NEBL: variants seen among roughly 807,000 people sequenced by gnomAD.
NEBL encodes LIM and SH3 protein 2.
NEBL carries 122 observed loss-of-function variants against 140.2 expected under a neutral mutation model. The observed-to-expected ratio is 0.87, with a 90% confidence interval of 0.75 to 1.01. NEBL has a LOEUF of 1.01. Ranked by LOEUF, NEBL falls within the 50% of genes least tolerant of loss-of-function variation. The pLI is 0.00. For missense variants in NEBL, 1,365 were observed against 1,231.3 expected (o/e 1.11, Z -1.62); for synonymous variants, 436 against 398.9 (o/e 1.09, Z -1.11).
chr10:21,198,284 A>G (rs1841683303), intron 3 of NEBL, among the ~76,000 whole-genome samples: 1 of 152,114 alleles, frequency 6.6e-6, no homozygotes, highest in Non-Finnish European at 1.5e-5. Context: ...TAACTGGGGG[A>G]AATTCAAAGA....
chr10:21,180,451 T>C (rs1367592434), intron 3 of NEBL, among the ~76,000 whole-genome samples: 2 of 152,216 alleles, frequency 1.3e-5, no homozygotes, highest in Non-Finnish European at 2.9e-5. Flanking sequence ...TGTCATTCTC[T>C]TTCTCCGCCC....
intron 2 of NEBL, among the ~76,000 whole-genome samples, chr10:21,134,350 T>C (rs1321918938): frequency 6.6e-6 from 1 of 152,200 alleles, no homozygotes; most frequent in Non-Finnish European, 1.5e-5. Context: ...GACAATGTAT[T>C]CTTATTTTCT....
intron 2 of NEBL, among the ~76,000 whole-genome samples, chr10:21,248,308 C>T (rs975739108): frequency 1.3e-5 from 2 of 151,536 alleles, no homozygotes; most frequent in Non-Finnish European, 1.5e-5. Context: ...CCTTCTATTG[C>T]TCATACTTTT....
At chr10:20,838,801 A>C (rs1295022497) in intron 13 of NEBL, among the ~76,000 whole-genome samples, 1 of 152,164 alleles carries the variant, frequency 6.6e-6, no homozygotes, top group African/African-American at 2.4e-5. Flanking sequence ...TCCGCCAGTG[A>C]AAAGATTACC....
intron 7 of NEBL, among the ~76,000 whole-genome samples, chr10:20,867,477 T>TTATTGTTGA (rs1564401487): frequency 6.6e-6 from 1 of 152,190 alleles, no homozygotes; most frequent in Non-Finnish European, 1.5e-5. Context: ...TTTGTTAACA[T>TTATTGTTGA]TATTGTTGAC....
chr10:21,235,827 T>A (rs1842340655), intron 3 of NEBL, among the ~76,000 whole-genome samples: 1 of 152,198 alleles, frequency 6.6e-6, no homozygotes, highest in Non-Finnish European at 1.5e-5. Flanking sequence ...AGAAAAAGTG[T>A]TTTACTACAT....
chr10:20,867,494 AACATT>A (rs1844417575), intron 7 of NEBL, among the ~76,000 whole-genome samples: 1 of 152,144 alleles, frequency 6.6e-6, no homozygotes, highest in South Asian at 2.1e-4. Context: ...TGACTCTGCA[AACATT>A]ACCTTTTTCA....
rs1841209411 is a variant in NEBL, at chr10:21,173,990, A to G, written c.-157T>C. ...TCGGCGCCGGGCCACGGGTGAGTGC[A>G]CGGGGAGGGCGACGGGGCCTGGCGC... On this transcript the variant is annotated 5_prime_UTR_variant, in exon 1 of 7. Transcript: ENST00000417816. The surrounding 1 kb of genome is among the most constrained non-coding windows in gnomAD (Gnocchi z 5.7). 1 of 1,229,604 alleles carries G rather than the reference A, an allele frequency of 8.1e-7. No individual in the cohort carries two copies. The highest frequency in any genetic ancestry group is 3.2e-5 in the South Asian group (1 of 31,542). The allele number at this position is 1,229,604 out of a possible 1,614,324, so 76.2% of individuals were successfully genotyped here.
chr10:20,895,779 C>A (rs1280063700), intron 2 of NEBL, among the ~76,000 whole-genome samples: 1 of 152,074 alleles, frequency 6.6e-6, no homozygotes. Flanking sequence ...TCAGAAAGAG[C>A]CAGTCATATC....
chr10:21,150,450 G>A (rs966402859), intron 2 of NEBL, among the ~76,000 whole-genome samples: 1 of 152,188 alleles, frequency 6.6e-6, no homozygotes, highest in Non-Finnish European at 1.5e-5. Flanking sequence ...TCTACCCAGT[G>A]AGGCTCCAAC....
chr10:21,069,756 A>G (rs1835730708), intron 2 of NEBL, among the ~76,000 whole-genome samples: 2 of 152,236 alleles, frequency 1.3e-5, no homozygotes, highest in Admixed American at 1.3e-4. Flanking sequence ...CTAACCTTCT[A>G]TAGAACAAAA....
At chr10:21,000,530 A>G (rs969467559) in intron 3 of NEBL, among the ~76,000 whole-genome samples, 4 of 152,158 alleles carry the variant, frequency 2.6e-5, no homozygotes, top group Non-Finnish European at 5.9e-5. Context: ...GAAGCCACCC[A>G]TTCCCAGGTA....
intron 5 of NEBL, among the ~76,000 whole-genome samples, chr10:20,873,130 T>A (rs549004716): frequency 6.6e-6 from 1 of 152,288 alleles, no homozygotes; most frequent in South Asian, 2.1e-4. Context: ...TTTGCTCCAA[T>A]CTACCATCCA....
chr10:20,850,621 C>A, intron 10 of NEBL, 119 bp from the exon 11 acceptor site: 1 of 703,242 alleles, frequency 1.4e-6, no homozygotes, highest in South Asian at 1.7e-5. Context: ...ATTATTCTGG[C>A]CATTTAGGTT....
At position 21,053,798 on chromosome 10, in the gene NEBL, C is replaced by T. The variant is rs1321635130; in HGVS notation, c.165-33597G>A. 1.2e-4 allele frequency among the ~76,000 whole-genome samples: 18 copies of T among 152,114 alleles called. No homozygotes were observed. The East Asian group carries it at 3.1e-3, about 26-fold the overall frequency. On this transcript the variant is annotated intron_variant, in intron 2 of 6. Transcript: ENST00000417816. ...CTGTAATCCCAGCACTTTGGGAGGC[C>T]GAGGCAGGTGGATCACTTGAGGTCA...
At chr10:20,980,781 A>G (rs11012446) in intron 3 of NEBL, among the ~76,000 whole-genome samples, 24,930 of 152,170 alleles carry the variant, frequency 0.16, 3,519 homozygotes, top group East Asian at 0.38. Context: ...AACAAAAGTG[A>G]GACTGATTTT....
chr10:21,134,802 GTATT>G (rs1361752453), intron 2 of NEBL, among the ~76,000 whole-genome samples: 1 of 152,194 alleles, frequency 6.6e-6, no homozygotes, highest in Non-Finnish European at 1.5e-5. Flanking sequence ...ACAAACATCA[GTATT>G]CATTCATCTG....
intron 2 of NEBL, among the ~76,000 whole-genome samples, chr10:21,248,274 A>G (rs1180331130): frequency 2.7e-5 from 4 of 150,332 alleles, no homozygotes; most frequent in African/African-American, 7.4e-5. Flanking sequence ...AGGTCTCACT[A>G]TGTTGCCCAG....
At chr10:21,263,383 T>C (rs1407891195) in intron 1 of NEBL, among the ~76,000 whole-genome samples, 1 of 151,216 alleles carries the variant, frequency 6.6e-6, no homozygotes, top group Non-Finnish European at 1.5e-5. Context: ...CCTGTTATGT[T>C]AGGGGAAAGG....
Sources: gnomAD v4.1 joint callset for allele counts (sites outside exome capture counted in the v4.1 genomes callset) on GRCh38, gnomAD v4.1.1 for gene constraint, Gnocchi (gnomAD v3.1) non-coding constraint, MANE v1.5 for transcripts, NCBI Gene and HGNC (gene_info 2026-07-23, HGNC 2026-07-21) for gene names.